The following FANCD2 variants were observed in gnomAD, a reference collection of about 807,000 sequenced individuals.
FANCD2 encodes Fanconi anemia group D2 protein.
In FANCD2, 131 loss-of-function variants were observed where a neutral mutation model predicts 192.3. The observed-to-expected ratio is 0.68, with a 90% CI of 0.59 to 0.79. FANCD2 has a LOEUF of 0.79. Ranked by LOEUF, FANCD2 falls within the 30% of genes least tolerant of loss-of-function variation. FANCD2 has a pLI of 0.00. For missense variants in FANCD2, 1,508 were observed against 1,701.6 expected, an observed-to-expected ratio of 0.89 and a Z score of 2.00; for synonymous variants, 524 against 612.5, an observed-to-expected ratio of 0.86 and a Z score of 2.13.
chr3:10,073,677 G>A (rs1156311784), intron 28 of FANCD2, among the ~76,000 whole-genome samples: 1 of 152,064 alleles, frequency 6.6e-6, no homozygotes, highest in Non-Finnish European at 1.5e-5. Context: ...CTTTACATTT[G>A]TACTGTTCGT....
At chr3:10,034,666 TTC>T (rs768821254) in intron 4 of FANCD2, 27 bp from the exon 5 acceptor site, 1 of 1,515,176 alleles carries the variant, frequency 6.6e-7, no homozygotes, top group South Asian at 1.2e-5. Context: ...AAAAATTTTA[TTC>T]TTTTTTATTT....
At chr3:10,095,343 C>T in intron 41 of FANCD2, 69 bp downstream of exon 41, 1 of 1,175,096 alleles carries the variant, frequency 8.5e-7, no homozygotes, top group Non-Finnish European at 1.3e-6. Flanking sequence ...ATTGGGGGAT[C>T]CATGGGCTAC....
At chr3:10,069,794 CGT>C (rs1693077037) in intron 26 of FANCD2, among the ~76,000 whole-genome samples, 1 of 152,144 alleles carries the variant, frequency 6.6e-6, no homozygotes, top group Non-Finnish European at 1.5e-5. Context: ...AGTGCAGTAG[CGT>C]GATCTCGGCT....
At chr3:10,085,085 G>A (rs1049550486) in intron 32 of FANCD2, among the ~76,000 whole-genome samples, 1 of 152,120 alleles carries the variant, frequency 6.6e-6, no homozygotes, top group Non-Finnish European at 1.5e-5. Flanking sequence ...TAGGAGAAGG[G>A]GTAAGTACCA....
In FANCD2 at chr3:10,088,920, C is replaced by G. The variant is rs1036974475; in HGVS notation, c.3653C>G (p.Ala1218Gly). Residue 1218 changes from alanine to glycine, a missense_variant, in exon 36 of 44, where the codon GCA becomes GGA. Transcript: ENST00000675286. Reference sequence around the variant, plus strand: ...GAACTGATCAACTCTCCTAAAGATGCATCTTCCTCCACATTCCCTACACTG... The same window carrying G: ...GAACTGATCAACTCTCCTAAAGATGGATCTTCCTCCACATTCCCTACACTG... ...VPELINSPKD[A>G]SSSTFPTLTR... The G allele has an allele frequency of 6.2e-7, 1 of 1,614,022 alleles. No individual in the cohort carries two copies. The highest frequency in any genetic ancestry group is 8.5e-7 in the Non-Finnish European group (1 of 1,179,930).
chr3:10,084,628 G>T (rs13319597), intron 32 of FANCD2, among the ~76,000 whole-genome samples: 34,399 of 152,066 alleles, frequency 0.23, 5,032 homozygotes, highest in African/African-American at 0.42. Context: ...TACATGAAGT[G>T]TATTGTACAT....
Position 10,043,088 on chromosome 3 carries a change from T to C in FANCD2, c.927T>C (p.His309=), listed in dbSNP as rs2086905171. ...TTCGGGAGAAGTTGGATCTGCAGCA[T>C]TGTGTTTTGCCATCACGGTTACAGG... is the stretch of plus-strand genomic sequence containing the variant. ...SELREKLDLQ[H]CVLPSRLQAS... is the part of the protein sequence containing the mutation. Residue 309 remains histidine (H), a synonymous_variant, in exon 12 of 44, where the codon CAT becomes CAC. Transcript: ENST00000675286. 3 of 1,614,122 alleles carry C rather than the reference T, an allele frequency of 1.9e-6. No homozygotes were observed. The highest frequency in any genetic ancestry group is 4.5e-5 in the East Asian group (2 of 44,868).
At chr3:10,034,051 A>G (rs1291484821) in intron 3 of FANCD2, among the ~76,000 whole-genome samples, 5 of 149,042 alleles carry the variant, frequency 3.4e-5, no homozygotes, top group African/African-American at 1.2e-4. Context: ...TGGGCTGGGC[A>G]CAGTGGCTTA....
chr3:10,083,676 C>G (rs1245309725), intron 32 of FANCD2: 2 of 152,098 alleles, frequency 1.3e-5, no homozygotes, highest in East Asian at 3.9e-4. Flanking sequence ...ATCATGAGGT[C>G]AGGAGATCGA....
intron 1 of FANCD2, among the ~76,000 whole-genome samples, chr3:10,028,284 C>G (rs112249425): frequency 6.6e-6 from 1 of 152,160 alleles, no homozygotes; most frequent in Non-Finnish European, 1.5e-5. Context: ...ACCCCAGCAC[C>G]TAGCACAGTC....
chr3:10,090,114 G>A (rs1490356271), intron 36 of FANCD2, among the ~76,000 whole-genome samples, 178 bp from the exon 37 acceptor site: 1 of 152,100 alleles, frequency 6.6e-6, no homozygotes, highest in South Asian at 2.1e-4. Context: ...TGTTTGACAG[G>A]CAATCTTCTT....
In FANCD2 at chr3:10,043,829, G is replaced by T. The variant is rs369070813; in HGVS notation, c.1099G>T (p.Ala367Ser). Residue 367 changes from alanine (A) to serine (S), a missense_variant and splice_region_variant, in exon 14 of 44, where the codon GCA (alanine) becomes TCA (serine). Ala to Ser is a moderately conservative substitution (Grantham distance 99). This residue lies in a region of FANCD2 where 108 missense variants were observed against 174.1 expected (regional missense o/e 0.62). Coordinates refer to ENST00000675286, the MANE Select transcript of FANCD2 (RefSeq NM_001018115.3). The part of the protein sequence containing the change: ...EKTISEAWIK[A>S]IENTASVSEH... ...TTGTGACTCTCTCCTGTTTTTTCAG[G>T]CAATTGAAAACACTGCCTCAGTATC... 3 of 1,613,360 alleles carry T rather than the reference G, an allele frequency of 1.9e-6. No homozygotes were observed. Among genetic ancestry groups the T allele is most frequent in the Non-Finnish European group, 1.7e-6 (2 of 1,179,370 alleles).
chr3:10,063,225 A>C (rs1273095970), intron 20 of FANCD2, among the ~76,000 whole-genome samples: 2 of 151,620 alleles, frequency 1.3e-5, no homozygotes, highest in Non-Finnish European at 2.9e-5. Flanking sequence ...ACTTGAGGTC[A>C]GGAGTTTGAG....
rs757697678 is a variant in FANCD2 at position 10,034,555 on chromosome 3, G to A, written c.273+19G>A. The A allele has an allele frequency of 1.9e-6, 3 of 1,596,662 alleles. No homozygotes were observed. Among genetic ancestry groups the A allele is most frequent in the Non-Finnish European group, 1.7e-6 (2 of 1,164,250 alleles). On this transcript the variant is annotated intron_variant, in intron 4 of 43. Coordinates refer to ENST00000675286, the MANE Select transcript of FANCD2 (RefSeq NM_001018115.3). Reference sequence around the variant, plus strand: ...TCCCAAAGTATGTATTTTTCCCCTGGTATTTTTGCTTGTGCCAGCATAACT... The same window carrying A: ...TCCCAAAGTATGTATTTTTCCCCTGATATTTTTGCTTGTGCCAGCATAACT...
At chr3:10,042,322 A>G (rs1250732237) in intron 10 of FANCD2, among the ~76,000 whole-genome samples, 1 of 152,216 alleles carries the variant, frequency 6.6e-6, no homozygotes, top group Non-Finnish European at 1.5e-5. Flanking sequence ...TAGGCTCTAA[A>G]TGTAAGATAA....
At chr3:10,090,225 G>C in intron 36 of FANCD2, 67 bp from the exon 37 acceptor site, 1 of 1,214,142 alleles carries the variant, frequency 8.2e-7, no homozygotes, top group African/African-American at 1.5e-5. Flanking sequence ...TTTGGTTCCT[G>C]GTTCTTCCCA....
chr3:10,060,857 T>C (rs1427178722), intron 19 of FANCD2, among the ~76,000 whole-genome samples: 2 of 152,146 alleles, frequency 1.3e-5, no homozygotes, highest in African/African-American at 2.4e-5. Context: ...TAAAGAAATA[T>C]CGGTTTGGGG....
At position 10,101,487 on chromosome 3, in the gene FANCD2, G is replaced by C; in HGVS notation, c.*225G>C. On this transcript the variant is annotated 3_prime_UTR_variant, in exon 44 of 44. Coordinates refer to ENST00000675286, the MANE Select transcript of FANCD2 (RefSeq NM_001018115.3). The stretch of plus-strand genomic sequence containing the variant: ...TGCAACCTCCATCTCCTAGGTTCAA[G>C]CGATTCTCCTGCCTCAGCCTCCTGA... 1 of 494,528 alleles carries C rather than the reference G, an allele frequency of 2.0e-6. No individual in the cohort carries two copies. Among genetic ancestry groups the C allele is most frequent in the East Asian group, 3.4e-5 (1 of 29,240 alleles). 30.6% of individuals were successfully genotyped at this position (494,528 alleles called of 1,614,324 possible). A position where few individuals can be genotyped will look rare whatever the true frequency, so the allele number is the denominator to read the frequency against.
chr3:10,079,669 TCTTTA>T (rs1421557103), intron 30 of FANCD2, among the ~76,000 whole-genome samples: 3 of 152,114 alleles, frequency 2.0e-5, no homozygotes, highest in African/African-American at 7.2e-5. Context: ...TGAATCCTGT[TCTTTA>T]CTTGAATTTT....
Sources: allele counts gnomAD v4.1 joint callset (sites outside exome capture counted in the v4.1 genomes callset), GRCh38; gene constraint gnomAD v4.1.1; regional missense constraint gnomAD v4.1.1; transcripts MANE v1.5; gene names NCBI Gene and HGNC (gene_info 2026-07-23, HGNC 2026-07-21).